AIG1: variants seen among roughly 807,000 people sequenced by gnomAD.
The protein encoded by AIG1 is androgen induced 1, also known as androgen-induced gene 1 protein.
Under a neutral mutation model 31.4 loss-of-function variants are expected in AIG1, and 23 were observed. That is an observed-to-expected ratio of 0.73 (90% CI 0.53 to 1.04). The LOEUF is 1.04. AIG1 is among the 50% of genes least tolerant of loss of function. AIG1 has a pLI of 0.00. For synonymous variants in AIG1, 100 were observed against 110.5 expected, an observed-to-expected ratio of 0.90 and a Z score of 0.60; for missense variants, 274 against 295.0, an observed-to-expected ratio of 0.93 and a Z score of 0.52.
At chr6:143,234,282 A>AAC (rs765424640) in intron 3 of AIG1, among the ~76,000 whole-genome samples, 3 of 152,174 alleles carry the variant, frequency 2.0e-5, no homozygotes, top group Non-Finnish European at 4.4e-5. Context: ...TTGTTACACA[A>AAC]ACACACACAC....
At chr6:143,341,631 G>A (rs1041326243), downstream of AIG1, among the ~76,000 whole-genome samples, 1 of 152,200 alleles carries the variant, frequency 6.6e-6, no homozygotes, top group East Asian at 1.9e-4. Flanking sequence ...AAGCCAAGGA[G>A]AGAGGACTCA....
chr6:143,193,673 T>C (rs761182406), intron 3 of AIG1, among the ~76,000 whole-genome samples: 1 of 152,270 alleles, frequency 6.6e-6, no homozygotes, highest in African/African-American at 2.4e-5. Flanking sequence ...TACTTACTGC[T>C]TTCCTATTCC....
chr6:143,193,756 A>T (rs1468972069), intron 3 of AIG1, among the ~76,000 whole-genome samples: 1 of 152,244 alleles, frequency 6.6e-6, no homozygotes, highest in Non-Finnish European at 1.5e-5. Context: ...CAATGATCAC[A>T]GCTCACTTGC....
chr6:143,095,042 CA>C (rs1486542152), intron 1 of AIG1, among the ~76,000 whole-genome samples: 2 of 151,408 alleles, frequency 1.3e-5, no homozygotes, highest in African/African-American at 4.9e-5. Flanking sequence ...ATGGCAAAAA[CA>C]AAAAAGGAAA....
intron 3 of AIG1, among the ~76,000 whole-genome samples, chr6:143,226,534 A>T (rs1318091813): frequency 1.3e-5 from 2 of 151,982 alleles, no homozygotes; most frequent in Non-Finnish European, 2.9e-5. Context: ...CTGAGCCACC[A>T]CACCCGTCCT....
chr6:143,220,766 A>G (rs1301806703), intron 3 of AIG1, among the ~76,000 whole-genome samples: 1 of 152,246 alleles, frequency 6.6e-6, no homozygotes, highest in East Asian at 1.9e-4. Flanking sequence ...CCTTGATCAC[A>G]TGCAGAGCAC....
intron 3 of AIG1, among the ~76,000 whole-genome samples, chr6:143,267,293 C>T (rs1796222891): frequency 1.3e-5 from 2 of 152,320 alleles, no homozygotes; most frequent in South Asian, 4.2e-4. Context: ...ATTCTTCATG[C>T]ATCCTAGCTT....
At chr6:143,246,013 T>TA (rs777372563) in intron 3 of AIG1, among the ~76,000 whole-genome samples, 5 of 151,994 alleles carry the variant, frequency 3.3e-5, no homozygotes, top group East Asian at 1.9e-4. Context: ...CTGTTGAGCT[T>TA]AAAAAAAAGT....
chr6:143,149,554 A>G (rs1002366349), intron 2 of AIG1, among the ~76,000 whole-genome samples: 20 of 151,262 alleles, frequency 1.3e-4, no homozygotes, highest in Admixed American at 4.6e-4. Flanking sequence ...AAAAAAAAAA[A>G]AAAGAAAGAA....
At chr6:143,307,869 C>G (rs1467556413) in intron 4 of AIG1, among the ~76,000 whole-genome samples, 1 of 152,264 alleles carries the variant, frequency 6.6e-6, no homozygotes. Context: ...CCAGTTCAAG[C>G]TTCCCAGCTG....
intron 3 of AIG1, among the ~76,000 whole-genome samples, chr6:143,168,652 A>G (rs1787197575): frequency 6.6e-6 from 1 of 151,962 alleles, no homozygotes; most frequent in South Asian, 2.1e-4. Context: ...TAAAAAAAAA[A>G]ATTAGCTGGA....
At chr6:143,208,706 C>T (rs946530729) in intron 3 of AIG1, among the ~76,000 whole-genome samples, 13 of 152,120 alleles carry the variant, frequency 8.5e-5, no homozygotes, top group African/African-American at 2.4e-4. Flanking sequence ...CCCCATAAAA[C>T]TGTCTAATCT....
chr6:143,061,027 C>T lies in AIG1; in HGVS notation c.102C>T (p.Thr34=), dbSNP rs1352939880. The T allele has an allele frequency of 1.2e-6, 2 of 1,613,462 alleles. No homozygotes were observed. Among genetic ancestry groups the T allele is most frequent in the African/African-American group, 1.3e-5 (1 of 74,850 alleles). The change falls in exon 1 of 6, where the codon ACC becomes ACT. Residue 34 remains threonine, a synonymous_variant. Transcript: ENST00000357847. The part of the protein sequence containing the change: ...YKAIEMPSHQ[T]YGGSWKFLTF... ...CCATCGAAATGCCCTCACACCAGACCTACGGAGGGAGCTGGAAATTCCTGA... is the reference window on the plus strand; with the variant it reads ...CCATCGAAATGCCCTCACACCAGACTTACGGAGGGAGCTGGAAATTCCTGA...
intron 4 of AIG1, among the ~76,000 whole-genome samples, chr6:143,322,931 A>T (rs1320925912): frequency 6.6e-6 from 1 of 152,212 alleles, no homozygotes; most frequent in Non-Finnish European, 1.5e-5. Flanking sequence ...AAGCAGTAGA[A>T]AGTTTTTGTT....
At chr6:143,113,787 T>G (rs566610425) in intron 1 of AIG1, among the ~76,000 whole-genome samples, 1 of 152,038 alleles carries the variant, frequency 6.6e-6, no homozygotes, top group African/African-American at 2.4e-5. Flanking sequence ...GTTTTCTTTT[T>G]TTTTTGAGAC....
chr6:143,105,825 A>C (rs1780753277), intron 1 of AIG1, among the ~76,000 whole-genome samples: 1 of 152,240 alleles, frequency 6.6e-6, no homozygotes. Flanking sequence ...GCCAACTTCC[A>C]CAATGGGCAG....
rs1345216876 is a variant in AIG1 at position 143,292,404 on chromosome 6, G to C, written c.515+8179G>C. On this transcript the variant is annotated intron_variant, in intron 4 of 5. Transcript: ENST00000357847. This position sits in a 1 kb window ranked among gnomAD's most constrained non-coding sequence, Gnocchi z 4.9. ...AGAGAGACATGACTGCCGAAGGACA[G>C]TTAGAGAGATGCAGTGGAGAAAGGA... Among the ~76,000 whole-genome samples, 7 of 152,226 alleles carry C rather than the reference G, an allele frequency of 4.6e-5. No individual in the cohort carries two copies. Among genetic ancestry groups the C allele is most frequent in the Admixed American group, 4.6e-4 (7 of 15,292 alleles).
intron 4 of AIG1, among the ~76,000 whole-genome samples, chr6:143,305,676 C>A (rs1012121174): frequency 3.3e-5 from 5 of 151,858 alleles, no homozygotes; most frequent in Non-Finnish European, 7.4e-5. Context: ...AGGTGTGGTG[C>A]GGTGCTGAAA....
At position 143,124,396 on chromosome 6, in the gene AIG1, G is replaced by A. The variant is rs115838168; in HGVS notation, c.142-12439G>A. On this transcript the variant is annotated intron_variant, in intron 1 of 5. Transcript: ENST00000357847. Reference sequence around the variant, plus strand: ...TGACTTCACAGCCCCAGCCTGTTCCGGTGACCACTTTCCTGCAGCCCTCCC... The same window carrying A: ...TGACTTCACAGCCCCAGCCTGTTCCAGTGACCACTTTCCTGCAGCCCTCCC... 5.4e-3 allele frequency among the ~76,000 whole-genome samples: 825 copies of A among 152,232 alleles called. 12 individuals carry two copies. Among genetic ancestry groups the A allele is most frequent in the African/African-American group, 0.016 (683 of 41,542 alleles).
Sources: gnomAD v4.1 joint callset for allele counts (sites outside exome capture counted in the v4.1 genomes callset) on GRCh38, gnomAD v4.1.1 for gene constraint, Gnocchi (gnomAD v3.1) non-coding constraint, MANE v1.5 for transcripts, NCBI Gene and HGNC (gene_info 2026-07-23, HGNC 2026-07-21) for gene names.